Variants in FGF1 observed in about 807,000 individuals in gnomAD.
FGF1 encodes the protein beta-endothelial cell growth factor.
In FGF1, 9 loss-of-function variants were observed where a neutral mutation model predicts 13.4. That is an observed-to-expected ratio of 0.67 (90% CI 0.40 to 1.17). The LOEUF is 1.17. Among genes scored for constraint, FGF1 ranks in the 50% most tolerant of loss-of-function variants. The pLI is 0.01. For synonymous variants in FGF1, 93 were observed against 79.0 expected, an observed-to-expected ratio of 1.18 and a Z score of -0.94; for missense variants, 156 against 192.7, an observed-to-expected ratio of 0.81 and a Z score of 1.13.
At chr5:142,597,515 T>G (rs920345842) in intron 3 of FGF1, among the ~76,000 whole-genome samples, 3 of 152,254 alleles carry the variant, frequency 2.0e-5, no homozygotes, top group Non-Finnish European at 4.4e-5. Flanking sequence ...GTAGTCAATC[T>G]GTTGGTGGAA....
chr5:142,645,423 G>C (rs1332990862), intron 1 of FGF1, among the ~76,000 whole-genome samples: 1 of 152,150 alleles, frequency 6.6e-6, no homozygotes, highest in African/African-American at 2.4e-5. Context: ...ATTGGAAGGT[G>C]GTAGAAGGAG....
At chr5:142,662,056 T>A (rs1281663432) in intron 1 of FGF1, among the ~76,000 whole-genome samples, 1 of 151,962 alleles carries the variant, frequency 6.6e-6, no homozygotes, top group Non-Finnish European at 1.5e-5. Flanking sequence ...TATTGTACGA[T>A]TCCATTTACA....
At chr5:142,608,542 CTATATATATATATATATATATATATATA>C (rs369107817) in intron 2 of FGF1, among the ~76,000 whole-genome samples, 52 of 76,036 alleles carry the variant, frequency 6.8e-4, no homozygotes, top group Non-Finnish European at 8.8e-4. Flanking sequence ...ATATACACAT[CTATATATATATATATATATATATATATA>C]TATATATATA....
chr5:142,694,867 C>T (rs1561780542), intron 2 of FGF1, among the ~76,000 whole-genome samples: 1 of 152,066 alleles, frequency 6.6e-6, no homozygotes, highest in South Asian at 2.1e-4. Flanking sequence ...GACCCCTCAC[C>T]CCTGGGTAGA....
intron 1 of FGF1, among the ~76,000 whole-genome samples, chr5:142,629,988 G>T (rs989688163): frequency 6.6e-6 from 1 of 151,180 alleles, no homozygotes; most frequent in Non-Finnish European, 1.5e-5. Flanking sequence ...CCGCCTGCCG[G>T]GTTCAAGTGA....
chr5:142,662,606 T>C (rs1484752778), intron 1 of FGF1, among the ~76,000 whole-genome samples: 2 of 151,900 alleles, frequency 1.3e-5, no homozygotes, highest in Non-Finnish European at 2.9e-5. Flanking sequence ...ACTTTGTAAA[T>C]GGACACAAAA....
chr5:142,597,739 T>A (rs957880388), intron 3 of FGF1, among the ~76,000 whole-genome samples: 3 of 152,244 alleles, frequency 2.0e-5, no homozygotes, highest in Non-Finnish European at 2.9e-5. Flanking sequence ...TTGTTCATTG[T>A]TCTCTATGTG....
intron 1 of FGF1, among the ~76,000 whole-genome samples, chr5:142,620,808 A>G (rs991354679): frequency 2.0e-5 from 3 of 152,274 alleles, no homozygotes; most frequent in African/African-American, 7.2e-5. Context: ...TCAAAGATAC[A>G]TGGAGCATTT....
chr5:142,649,494 C>T (rs1323717949), intron 1 of FGF1, among the ~76,000 whole-genome samples: 1 of 151,982 alleles, frequency 6.6e-6, no homozygotes, highest in Non-Finnish European at 1.5e-5. Flanking sequence ...GCAAGCTCTG[C>T]CTCCCGGGTT....
chr5:142,661,687 T>C (rs967231880), intron 1 of FGF1, among the ~76,000 whole-genome samples: 10 of 152,064 alleles, frequency 6.6e-5, no homozygotes, highest in African/African-American at 2.4e-4. Context: ...TTGAACACAT[T>C]ATATTAAGTT....
intron 1 of FGF1, among the ~76,000 whole-genome samples, chr5:142,665,148 G>A (rs1770049280): frequency 6.6e-6 from 1 of 152,048 alleles, no homozygotes. Context: ...AGATCAGCCT[G>A]GGCAACATAG....
intron 1 of FGF1, among the ~76,000 whole-genome samples, chr5:142,616,209 C>G (rs529147575): frequency 6.6e-6 from 1 of 152,298 alleles, no homozygotes; most frequent in African/African-American, 2.4e-5. Context: ...AAAATGAGGG[C>G]TCATGTTGGA....
chr5:142,609,561 C>T (rs1758612683), intron 2 of FGF1, among the ~76,000 whole-genome samples: 1 of 152,178 alleles, frequency 6.6e-6, no homozygotes, highest in African/African-American at 2.4e-5. Flanking sequence ...CACATTATGC[C>T]TCTGTGTCAG....
chr5:142,645,492 A>G (rs1765872431), intron 1 of FGF1, among the ~76,000 whole-genome samples: 1 of 152,186 alleles, frequency 6.6e-6, no homozygotes, highest in Non-Finnish European at 1.5e-5. Context: ...CAGCTCTTCT[A>G]GTTACTAGCT....
chr5:142,625,591 C>T (rs927341498), intron 1 of FGF1, among the ~76,000 whole-genome samples: 1 of 152,174 alleles, frequency 6.6e-6, no homozygotes, highest in African/African-American at 2.4e-5. Flanking sequence ...ACACCACGGT[C>T]CAAACCATCC....
chr5:142,619,084 G>A (rs1039751616), intron 1 of FGF1, among the ~76,000 whole-genome samples: 2 of 151,858 alleles, frequency 1.3e-5, no homozygotes, highest in African/African-American at 2.4e-5. Context: ...ACAGGCGCCT[G>A]CCACCGCGCC....
At chr5:142,659,584 A>T (rs1768816129) in intron 1 of FGF1, among the ~76,000 whole-genome samples, 1 of 152,218 alleles carries the variant, frequency 6.6e-6, no homozygotes, top group Non-Finnish European at 1.5e-5. Flanking sequence ...AGCGGTGGTT[A>T]AGTGCCCAGC....
At chr5:142,643,854 G>A (rs1051524621) in intron 1 of FGF1, among the ~76,000 whole-genome samples, 2 of 152,198 alleles carry the variant, frequency 1.3e-5, no homozygotes, top group Admixed American at 1.3e-4. Flanking sequence ...GCCTCAGTCT[G>A]TTCATCTAAA....
chr5:142,650,034 C>G (rs1233011387), intron 1 of FGF1, among the ~76,000 whole-genome samples: 2 of 152,178 alleles, frequency 1.3e-5, no homozygotes, highest in Admixed American at 6.5e-5. Context: ...CACCTCAGCT[C>G]TAGTGAATCA....
Sources: gnomAD v4.1 joint callset for allele counts (sites outside exome capture counted in the v4.1 genomes callset) on GRCh38, gnomAD v4.1.1 for gene constraint, MANE v1.5 for transcripts, NCBI Gene and HGNC (gene_info 2026-07-23, HGNC 2026-07-21) for gene names.